Variants in LLGL2 observed in about 807,000 individuals in gnomAD.
LLGL2 encodes the protein LLGL2, scribble cell polarity complex component.
A neutral mutation model predicts 123.2 loss-of-function variants in LLGL2; 81 were observed. That is an observed-to-expected ratio of 0.66 (90% CI 0.55 to 0.79). The LOEUF is 0.79. Ranked by LOEUF, LLGL2 falls within the 30% of genes least tolerant of loss-of-function variation. The pLI is 0.00. For synonymous variants in LLGL2, 577 were observed against 594.1 expected (o/e 0.97, Z 0.42); for missense variants, 1,273 against 1,414.6 (o/e 0.90, Z 1.61).
chr17:75,551,507 C>A (rs925176948), intron 2 of LLGL2, among the ~76,000 whole-genome samples: 1 of 151,978 alleles, frequency 6.6e-6, no homozygotes, highest in Non-Finnish European at 1.5e-5. Context: ...GGGGTGGCCA[C>A]GATAACTCCA....
chr17:75,548,452 C>T (rs2147256127), intron 2 of LLGL2, among the ~76,000 whole-genome samples: 1 of 151,930 alleles, frequency 6.6e-6, no homozygotes, highest in Non-Finnish European at 1.5e-5. Context: ...TAAAGGACAG[C>T]TTTTCAGAGC....
At chr17:75,547,716 T>C (rs2054490012) in intron 2 of LLGL2, among the ~76,000 whole-genome samples, 1 of 151,918 alleles carries the variant, frequency 6.6e-6, no homozygotes, top group Non-Finnish European at 1.5e-5. Context: ...TCTCAGCTAC[T>C]AGGGAGGCTG....
rs771615987 is a variant in LLGL2 at position 75,569,292 on chromosome 17, C to G, written c.1548C>G (p.Ser516Arg). ...AGAAGATCTTCCTCTGCAAGTACAG[C>G]GGCTACCTGGCTGTGGCAGGCACGG... ...GIQKIFLCKYSGYLAVAGTAG... is the reference protein window; with the variant it reads ...GIQKIFLCKYRGYLAVAGTAG... The change falls in exon 14 of 26, where the codon AGC (serine) becomes AGG (arginine). Residue 516 changes from serine (S) to arginine (R), a missense_variant. Coordinates refer to ENST00000392550, the MANE Select transcript of LLGL2 (RefSeq NM_001031803.2). 1 of 1,613,366 alleles carries G rather than the reference C, an allele frequency of 6.2e-7. No individual in the cohort carries two copies. The highest frequency in any genetic ancestry group is 8.5e-7 in the Non-Finnish European group (1 of 1,179,972).
chr17:75,557,791 C>T, intron 3 of LLGL2: 1 of 361,282 alleles, frequency 2.8e-6, no homozygotes, highest in South Asian at 2.1e-5. Flanking sequence ...GTGATAGGCC[C>T]CCTGGGGTGC....
intron 20 of LLGL2, 33 bp downstream of exon 20, chr17:75,573,311 C>T (rs762853275): frequency 6.3e-7 from 1 of 1,577,054 alleles, no homozygotes. Flanking sequence ...GTGTCGGGGC[C>T]CCGGGCACTG....
Position 75,569,255 on chromosome 17 carries a change from G to C in LLGL2, c.1511G>C (p.Arg504Pro), listed in dbSNP as rs373591655. The C allele has an allele frequency of 6.2e-7, 1 of 1,613,448 alleles. No homozygotes were observed. ...GSFDPYSDDP[R>P]LGIQKIFLCK... ...TTTGACCCCTACAGTGATGACCCCC[G>C]GCTGGGCATCCAGAAGATCTTCCTC... The change falls in exon 14 of 26, where the codon CGG becomes CCG. Residue 504 changes from arginine to proline, a missense_variant. Coordinates refer to ENST00000392550, the MANE Select transcript of LLGL2 (RefSeq NM_001031803.2).
rs1209986976 is a variant in LLGL2 at position 75,558,089 on chromosome 17, C to T, written c.174-66C>T. The T allele has an allele frequency of 7.4e-6, 11 of 1,482,052 alleles. No homozygotes were observed. Among genetic ancestry groups the T allele is most frequent in the South Asian group, 3.4e-5 (3 of 88,530 alleles). 91.8% of individuals were successfully genotyped at this position (1,482,052 alleles called of 1,614,324 possible). A position where few individuals can be genotyped will look rare whatever the true frequency, so the allele number is the denominator to read the frequency against. ...CATCATTGCACATGGGCCCCGAGGG[C>T]CTGGCACTCAAGGCAGGCAGGGGAT... is the stretch of plus-strand genomic sequence containing the variant. On this transcript the variant is annotated intron_variant, in intron 3 of 25. Transcript: ENST00000392550. The surrounding 1 kb of genome is among the most constrained non-coding windows in gnomAD (Gnocchi z 4.0).
rs1471718869 is a variant in LLGL2 at position 75,570,116 on chromosome 17, C to G, written c.1735C>G (p.Pro579Ala). The G allele has an allele frequency of 6.2e-7, 1 of 1,603,264 alleles. No individual in the cohort carries two copies. The highest frequency in any genetic ancestry group is 8.5e-7 in the Non-Finnish European group (1 of 1,175,422). ...CGTGCGCTTTGAGCCTGGCTTTCAG[C>G]CCTTCGTGTTGGTGCAGTGTCAGCC... ...GPVRFEPGFQ[P>A]FVLVQCQPPA... Residue 579 changes from proline (P) to alanine (A), a missense_variant, in exon 15 of 26, where the codon CCC becomes GCC. Pro to Ala is a conservative substitution (Grantham distance 27, BLOSUM62 -1). Transcript: ENST00000392550.
Position 75,543,520 on chromosome 17 carries a change from G to A in LLGL2, c.75+19G>A. On this transcript the variant is annotated intron_variant, in intron 2 of 25. Coordinates refer to ENST00000392550, the MANE Select transcript of LLGL2 (RefSeq NM_001031803.2). ...TAACAAGGTAAGTTAGGGAGAGCAG[G>A]GAAGATGACCCCCAGGTTTTCGGCC... 6.2e-7 allele frequency: 1 copy of A among 1,602,834 alleles called. No individual in the cohort carries two copies. Among genetic ancestry groups the A allele is most frequent in the Non-Finnish European group, 8.5e-7 (1 of 1,173,162 alleles).
At chr17:75,539,382 G>C (rs539238301) in intron 1 of LLGL2, among the ~76,000 whole-genome samples, 1 of 151,016 alleles carries the variant, frequency 6.6e-6, no homozygotes, top group Non-Finnish European at 1.5e-5. Flanking sequence ...AATTTTTATT[G>C]TTCCATGTAA....
chr17:75,532,078 T>TCACACA (rs1568015935), intron 1 of LLGL2, among the ~76,000 whole-genome samples: 1 of 26,010 alleles, frequency 3.8e-5, no homozygotes, highest in Non-Finnish European at 7.4e-5. Context: ...ACACACACAC[T>TCACACA]TTTTTTTTTT....
intron 1 of LLGL2, among the ~76,000 whole-genome samples, chr17:75,537,676 G>A (rs1392281723): frequency 6.6e-6 from 1 of 151,514 alleles, no homozygotes. Context: ...CAGCCTGGGC[G>A]ACAGAGCGAG....
intron 6 of LLGL2, 28 bp from the exon 7 acceptor site, chr17:75,562,988 G>A (rs367836428): frequency 3.5e-5 from 56 of 1,607,408 alleles, no homozygotes; most frequent in Non-Finnish European, 4.4e-5. Context: ...GGACGGCATC[G>A]GAGGCTCACG....
At position 75,559,212 on chromosome 17, in the gene LLGL2, T is replaced by C. The variant is rs1325854203; in HGVS notation, c.372-40T>C. ...ACCCCGTCCATGGCATCTCCCCTGC[T>C]GGGCAGTGGTCGGCTCACGGGCAGC... On this transcript the variant is annotated intron_variant, in intron 5 of 25. Transcript: ENST00000392550. The surrounding 1 kb of genome is among the most constrained non-coding windows in gnomAD (Gnocchi z 4.6). The C allele has an allele frequency of 2.6e-6, 4 of 1,547,886 alleles. No homozygotes were observed. The highest frequency in any genetic ancestry group is 4.0e-5 in the Admixed American group (2 of 50,350).
At chr17:75,529,420 G>T (rs2147068961) in intron 1 of LLGL2, among the ~76,000 whole-genome samples, 2 of 151,640 alleles carry the variant, frequency 1.3e-5, no homozygotes, top group East Asian at 4.0e-4. Flanking sequence ...GGCCAGGCTG[G>T]TCTTGAACTC....
chr17:75,560,802 TAAAAAAAAAAAAAAAA>T lies in LLGL2; in HGVS notation c.530+1407_530+1422del, dbSNP rs372940306. Among the ~76,000 whole-genome samples, 4 of 96,124 alleles carry T rather than the reference TAAAAAAAAAAAAAAAA, an allele frequency of 4.2e-5. No homozygotes were observed. The East Asian group carries it at 1.3e-3, about 31-fold the overall frequency. 63.1% of individuals were successfully genotyped at this position (96,124 alleles called of 152,430 possible). ...CGCCTGGCCCAGTTTGTTTATTTATTAAAAAAAAAAAAAAAAAAAAAAAAAAAAAACAAAGAAAAAA... is the reference window on the plus strand; with the variant it reads ...CGCCTGGCCCAGTTTGTTTATTTATTAAAAAAAAAAAAAACAAAGAAAAAA... On this transcript the variant is annotated intron_variant, in intron 6 of 25. Coordinates refer to ENST00000392550, the MANE Select transcript of LLGL2 (RefSeq NM_001031803.2).
intron 10 of LLGL2, among the ~76,000 whole-genome samples, chr17:75,566,666 T>C (rs749415050): frequency 3.3e-5 from 5 of 152,214 alleles, no homozygotes; most frequent in Non-Finnish European, 7.3e-5. Flanking sequence ...CTGTAATTTC[T>C]TGGCCCCTTG....
At chr17:75,568,166 C>T in intron 10 of LLGL2, 2 of 1,280,514 alleles carry the variant, frequency 1.6e-6, no homozygotes, top group Non-Finnish European at 2.0e-6. Flanking sequence ...GAGGAGAAAC[C>T]AGGGAAGAGG....
At chr17:75,554,335 C>G (rs1038678699) in intron 2 of LLGL2, among the ~76,000 whole-genome samples, 2 of 150,354 alleles carry the variant, frequency 1.3e-5, no homozygotes, top group Non-Finnish European at 2.9e-5. Flanking sequence ...TTTTAGGCAG[C>G]TTGCAGTGAC....
Sources: allele counts gnomAD v4.1 joint callset (sites outside exome capture counted in the v4.1 genomes callset), GRCh38; gene constraint gnomAD v4.1.1; non-coding constraint Gnocchi (gnomAD v3.1); transcripts MANE v1.5; gene names NCBI Gene and HGNC (gene_info 2026-07-23, HGNC 2026-07-21).